The following ITSN1 variants were observed in gnomAD, a reference collection of about 807,000 sequenced individuals.
ITSN1 encodes intersectin 1.
ITSN1 carries 58 observed loss-of-function variants against 239.8 expected under a neutral mutation model. The observed-to-expected ratio is 0.24, with a 90% CI of 0.20 to 0.30. The LOEUF is 0.30. ITSN1 is among the 10% of genes least tolerant of loss of function. ITSN1 has a pLI of 1.00. For missense variants in ITSN1, 1,558 were observed against 2,103.3 expected, an observed-to-expected ratio of 0.74 and a Z score of 5.07; for synonymous variants, 780 against 770.8, an observed-to-expected ratio of 1.01 and a Z score of -0.20.
intron 5 of ITSN1, among the ~76,000 whole-genome samples, chr21:33,739,577 G>A (rs1371699555): frequency 6.6e-6 from 1 of 152,150 alleles, no homozygotes; most frequent in African/African-American, 2.4e-5. Context: ...CAGAGTAATA[G>A]TAGAGAGACA....
intron 1 of ITSN1, among the ~76,000 whole-genome samples, chr21:33,714,445 A>G (rs1874998173): frequency 6.6e-6 from 1 of 152,228 alleles, no homozygotes; most frequent in Non-Finnish European, 1.5e-5. Flanking sequence ...AGATTCACCT[A>G]GGGTGAGAAT....
At chr21:33,666,397 C>T (rs1334527659) in intron 1 of ITSN1, among the ~76,000 whole-genome samples, 1 of 152,140 alleles carries the variant, frequency 6.6e-6, no homozygotes, top group Non-Finnish European at 1.5e-5. Context: ...TGAGATGTCA[C>T]TGAATTGCAT....
intron 1 of ITSN1, among the ~76,000 whole-genome samples, chr21:33,712,335 G>A (rs1367202932): frequency 1.3e-5 from 2 of 152,124 alleles, no homozygotes; most frequent in African/African-American, 2.4e-5. Flanking sequence ...GTTTCAGTAG[G>A]TATCTAACTT....
intron 11 of ITSN1, among the ~76,000 whole-genome samples, chr21:33,770,628 T>C (rs2069088343): frequency 1.3e-5 from 2 of 152,172 alleles, no homozygotes; most frequent in African/African-American, 4.8e-5. Context: ...TTACCTGTTG[T>C]GGATATTTCA....
At chr21:33,706,378 T>C (rs1001480026) in intron 1 of ITSN1, among the ~76,000 whole-genome samples, 4 of 151,994 alleles carry the variant, frequency 2.6e-5, no homozygotes, top group South Asian at 2.1e-4. Context: ...TCCCCACTTA[T>C]ATGAAATTTA....
At chr21:33,687,054 GGTACGGTGGCCCAT>G (rs1217806718) in intron 1 of ITSN1, among the ~76,000 whole-genome samples, 7 of 152,110 alleles carry the variant, frequency 4.6e-5, no homozygotes, top group Non-Finnish European at 1.5e-5. Flanking sequence ...GCCTCAGCTG[GGTACGGTGGCCCAT>G]GCCTGTAATC....
intron 25 of ITSN1, among the ~76,000 whole-genome samples, chr21:33,824,807 G>A (rs1042344345): frequency 2.6e-5 from 4 of 152,184 alleles, no homozygotes; most frequent in African/African-American, 7.2e-5. Flanking sequence ...TCTTGCTGCG[G>A]TCTTGAGAGC....
chr21:33,704,106 AC>A (rs2092142947), intron 1 of ITSN1, among the ~76,000 whole-genome samples: 2 of 152,164 alleles, frequency 1.3e-5, no homozygotes, highest in Admixed American at 1.3e-4. Context: ...GATTTCGTTC[AC>A]TTTTTTCTTT....
chr21:33,680,047 C>T (rs182189909), intron 1 of ITSN1, among the ~76,000 whole-genome samples: 34 of 152,144 alleles, frequency 2.2e-4, no homozygotes, highest in Admixed American at 9.8e-4. Flanking sequence ...ATTTCTAGTT[C>T]GCTTGGCCTG....
chr21:33,777,612 T>G (rs1318761947), intron 14 of ITSN1, among the ~76,000 whole-genome samples: 2 of 152,208 alleles, frequency 1.3e-5, no homozygotes, highest in Non-Finnish European at 2.9e-5. Context: ...CAGCAATGTT[T>G]TGTAGTTTGC....
chr21:33,802,048 A>C (rs1476570652), intron 19 of ITSN1, among the ~76,000 whole-genome samples: 1 of 152,242 alleles, frequency 6.6e-6, no homozygotes, highest in East Asian at 1.9e-4. Flanking sequence ...CTGAAAATAC[A>C]ATGTCACATC....
At chr21:33,876,278 CTT>C (rs778650262) in intron 34 of ITSN1, among the ~76,000 whole-genome samples, 22 of 97,796 alleles carry the variant, frequency 2.2e-4, no homozygotes, top group Non-Finnish European at 4.0e-4. Flanking sequence ...CTTTTTCTCT[CTT>C]TCTTTCCTTC....
Position 33,857,408 on chromosome 21 carries a change from C to A in ITSN1, c.3783+551C>A, listed in dbSNP as rs184493661. Among the ~76,000 whole-genome samples, 1,400 of 152,340 alleles carry A rather than the reference C, an allele frequency of 9.2e-3. 20 individuals carry two copies. The highest frequency in any genetic ancestry group is 0.032 in the African/African-American group (1,322 of 41,572). On this transcript the variant is annotated intron_variant, in intron 30 of 39. Coordinates refer to ENST00000381318, the MANE Select transcript of ITSN1 (RefSeq NM_003024.3). ...GTCAGTCCTCCCAGAAGGGCCCTGG[C>A]CACCTCATCCAGAACTATGGGGAGA...
At position 33,751,834 on chromosome 21, in the gene ITSN1, C is replaced by T. The variant is rs2067576579; in HGVS notation, c.551C>T (p.Ser184Phe). 6.2e-7 allele frequency: 1 copy of T among 1,612,006 alleles called. No individual in the cohort carries two copies. Among genetic ancestry groups the T allele is most frequent in the Admixed American group, 1.7e-5 (1 of 59,966 alleles). Residue 184 changes from serine to phenylalanine, a missense_variant, in exon 7 of 40, where the codon TCC becomes TTC. By Grantham distance (155) the Ser-to-Phe change is radical (BLOSUM62 -2). This residue lies in a region of ITSN1 where 982 missense variants were observed against 1,209.9 expected (regional missense o/e 0.81). Transcript: ENST00000381318. Reference sequence around the variant, plus strand: ...GCAGCCACATTGCCAAAGAGTTCTTCCTTTAGTAGATCTGGTCCAGGGTCA... The same window carrying T: ...GCAGCCACATTGCCAAAGAGTTCTTTCTTTAGTAGATCTGGTCCAGGGTCA... ...HPAATLPKSSSFSRSGPGSQL... is the reference protein window; with the variant it reads ...HPAATLPKSSFFSRSGPGSQL...
At chr21:33,664,433 A>G (rs2089786512) in intron 1 of ITSN1, among the ~76,000 whole-genome samples, 1 of 152,054 alleles carries the variant, frequency 6.6e-6, no homozygotes, top group Non-Finnish European at 1.5e-5. Context: ...TAAGAGTGAG[A>G]ACTCACTCAC....
rs767379889 is a variant in ITSN1, at chr21:33,729,795, A to G, written c.186-5249A>G. Among the ~76,000 whole-genome samples, 136 of 152,242 alleles carry G rather than the reference A, an allele frequency of 8.9e-4. 1 individual carries two copies. The highest frequency in any genetic ancestry group is 1.7e-3 in the Non-Finnish European group (116 of 68,036). On this transcript the variant is annotated intron_variant, in intron 4 of 39. Coordinates refer to ENST00000381318, the MANE Select transcript of ITSN1 (RefSeq NM_003024.3). ...CTTTACATAAGATAAAATGGAACAT[A>G]AAGTAGCCTGTAGAGGTGTTTGACC...
chr21:33,691,402 T>C (rs1399410866), intron 1 of ITSN1, among the ~76,000 whole-genome samples: 1 of 152,248 alleles, frequency 6.6e-6, no homozygotes, highest in Non-Finnish European at 1.5e-5. Flanking sequence ...CATTTAATTA[T>C]CTTTGTTAAA....
chr21:33,793,132 C>T (rs540324233), intron 16 of ITSN1, among the ~76,000 whole-genome samples: 1 of 152,152 alleles, frequency 6.6e-6, no homozygotes, highest in Admixed American at 6.5e-5. Context: ...TAGCCTAACC[C>T]TTAGGATTTT....
At chr21:33,799,553 G>A (rs567982410) in intron 18 of ITSN1, among the ~76,000 whole-genome samples, 21 of 152,254 alleles carry the variant, frequency 1.4e-4, no homozygotes, top group African/African-American at 4.8e-4. Context: ...AGGCAGCCTC[G>A]CCGCACCCAG....
Sources: gnomAD v4.1 joint callset for allele counts (sites outside exome capture counted in the v4.1 genomes callset) on GRCh38, gnomAD v4.1.1 for gene constraint, gnomAD v4.1.1 regional missense constraint, MANE v1.5 for transcripts, NCBI Gene and HGNC (gene_info 2026-07-23, HGNC 2026-07-21) for gene names.